PSMA1: variants seen among roughly 807,000 people sequenced by gnomAD.
The protein encoded by PSMA1 is proteasome 20S subunit alpha 1.
PSMA1 carries 3 observed loss-of-function variants against 38.4 expected under a neutral mutation model. The observed-to-expected ratio is 0.08, with a 90% CI of 0.04 to 0.20. PSMA1 has a LOEUF of 0.20. Ranked by LOEUF, PSMA1 falls within the 10% of genes least tolerant of loss-of-function variation. PSMA1 has a pLI of 1.00. For synonymous variants in PSMA1, 101 were observed against 107.1 expected (o/e 0.94, Z 0.35); for missense variants, 227 against 325.3 (o/e 0.70, Z 2.32).
At chr11:14,610,377 G>T (rs1852695789) in intron 2 of PSMA1, among the ~76,000 whole-genome samples, 2 of 151,964 alleles carry the variant, frequency 1.3e-5, no homozygotes, top group Non-Finnish European at 2.9e-5. Flanking sequence ...TTATGAACAG[G>T]TATCTCAATC....
In PSMA1 at chr11:14,513,862, A is replaced by G. The variant is rs748434888; in HGVS notation, c.369T>C (p.Tyr123=). 23 of 1,601,802 alleles carry G rather than the reference A, an allele frequency of 1.4e-5. No homozygotes were observed. In the South Asian group the frequency reaches 2.3e-4, roughly 16 times the overall value. The change falls in exon 6 of 10, where the codon TAT becomes TAC. Residue 123 remains tyrosine, a synonymous_variant. Transcript: ENST00000396394. ...GSKTQIPTQR[Y]GRRPYGVGLL... is the part of the protein sequence containing the mutation. ...GACCAACACCATATGGTCTCCGGCC[A>G]TATCGTTGTGTTGGTATCTGGGTCT...
chr11:14,634,138 T>G (rs1853080249), intron 1 of PSMA1, among the ~76,000 whole-genome samples: 1 of 152,164 alleles, frequency 6.6e-6, no homozygotes, highest in Non-Finnish European at 1.5e-5. Context: ...CCGGAGCTGT[T>G]CCTATTCGGC....
At chr11:14,574,652 G>GT (rs1274453823) in intron 2 of PSMA1, among the ~76,000 whole-genome samples, 1 of 152,094 alleles carries the variant, frequency 6.6e-6, no homozygotes, top group African/African-American at 2.4e-5. Context: ...AGATCTGATG[G>GT]TTTTATAAGG....
intron 1 of PSMA1, among the ~76,000 whole-genome samples, chr11:14,620,694 C>G (rs899577746): frequency 3.3e-5 from 5 of 152,198 alleles, no homozygotes; most frequent in African/African-American, 1.2e-4. Flanking sequence ...AGAGTGGCCA[C>G]TGGAAATTCT....
chr11:14,539,082 G>C (rs114834521), intron 2 of PSMA1, among the ~76,000 whole-genome samples: 1 of 152,138 alleles, frequency 6.6e-6, no homozygotes, highest in African/African-American at 2.4e-5. Flanking sequence ...GTTCTCAAAG[G>C]CTTATTTGTC....
rs143167256 is a variant in PSMA1 at position 14,624,802 on chromosome 11, T to G, written c.-165-13651A>C. 3.1e-3 allele frequency among the ~76,000 whole-genome samples: 476 copies of G among 152,150 alleles called. 2 individuals carry two copies. Among genetic ancestry groups the G allele is most frequent in the Admixed American group, 0.014 (211 of 15,288 alleles). On this transcript the variant is annotated intron_variant, in intron 1 of 10. Transcript: ENST00000418988. ...GTACTCCTTTGGCCCACTGTAGCTG[T>G]GAAAGGACATGTACAACGACCCTGA...
At chr11:14,598,574 C>CT (rs3053229) in intron 2 of PSMA1, among the ~76,000 whole-genome samples, 20 of 144,298 alleles carry the variant, frequency 1.4e-4, no homozygotes, top group Admixed American at 4.3e-4. Flanking sequence ...GCAACCCCTG[C>CT]TTTTTTTTTT....
upstream of PSMA1, among the ~76,000 whole-genome samples, chr11:14,521,491 C>CAA (rs60366805): frequency 1.1e-3 from 144 of 132,550 alleles, 1 homozygote; most frequent in Middle Eastern, 0.012. Context: ...GATTCTGTTT[C>CAA]AAAAAAAAAA....
At chr11:14,530,626 G>A (rs1393730819) in intron 2 of PSMA1, among the ~76,000 whole-genome samples, 1 of 152,140 alleles carries the variant, frequency 6.6e-6, no homozygotes, top group Non-Finnish European at 1.5e-5. Context: ...TTAGTGGGCT[G>A]GATGCAGTGG....
chr11:14,556,985 A>G (rs1211114695), intron 2 of PSMA1, among the ~76,000 whole-genome samples: 1 of 152,070 alleles, frequency 6.6e-6, no homozygotes, highest in African/African-American at 2.4e-5. Context: ...ACAGGTGCAT[A>G]CCCAGCTACT....
chr11:14,511,995 T>C (rs12421455), intron 7 of PSMA1, among the ~76,000 whole-genome samples: 11,131 of 152,268 alleles, frequency 0.073, 553 homozygotes, highest in East Asian at 0.17. Context: ...AAGAAAACAA[T>C]TCTGTTCACA....
upstream of PSMA1, among the ~76,000 whole-genome samples, chr11:14,524,817 C>T (rs1292849559): frequency 6.6e-6 from 1 of 152,182 alleles, no homozygotes; most frequent in East Asian, 1.9e-4. Flanking sequence ...CAAGGAACAT[C>T]TCACCGATTT....
chr11:14,542,590 C>A (rs1361755130), intron 2 of PSMA1, among the ~76,000 whole-genome samples: 1 of 152,170 alleles, frequency 6.6e-6, no homozygotes, highest in Non-Finnish European at 1.5e-5. Flanking sequence ...AGAAAAATAA[C>A]AGAAGCAGCT....
At chr11:14,583,105 G>A (rs955803449) in intron 2 of PSMA1, among the ~76,000 whole-genome samples, 11 of 152,196 alleles carry the variant, frequency 7.2e-5, no homozygotes, top group Admixed American at 5.2e-4. Flanking sequence ...ATTGGCCCCA[G>A]GAGCCAAAAG....
intron 1 of PSMA1, among the ~76,000 whole-genome samples, chr11:14,619,468 C>G (rs1282501362): frequency 1.3e-5 from 2 of 151,930 alleles, no homozygotes; most frequent in Non-Finnish European, 2.9e-5. Context: ...TAGATTTATA[C>G]CACATAAAGA....
chr11:14,539,567 C>T (rs1589987023), intron 2 of PSMA1, among the ~76,000 whole-genome samples: 2 of 151,844 alleles, frequency 1.3e-5, no homozygotes, highest in South Asian at 2.1e-4. Flanking sequence ...ACCCACGGGC[C>T]GGGTGCGGTG....
chr11:14,577,682 T>G (rs572087439), intron 2 of PSMA1, among the ~76,000 whole-genome samples: 3 of 152,192 alleles, frequency 2.0e-5, no homozygotes, highest in Non-Finnish European at 2.9e-5. Flanking sequence ...ATTACAACTG[T>G]TTTACAGATG....
At chr11:14,582,800 G>A (rs1185991244) in intron 2 of PSMA1, among the ~76,000 whole-genome samples, 1 of 151,742 alleles carries the variant, frequency 6.6e-6, no homozygotes, top group Non-Finnish European at 1.5e-5. Context: ...CAAAGTGTTA[G>A]GATTACAGGC....
intron 2 of PSMA1, among the ~76,000 whole-genome samples, chr11:14,547,376 G>A (rs181861175): frequency 1.1e-4 from 16 of 152,192 alleles, no homozygotes; most frequent in East Asian, 3.9e-4. Context: ...ATTTCTTTTC[G>A]TCATTAACAA....
Sources: gnomAD v4.1 joint callset for allele counts (sites outside exome capture counted in the v4.1 genomes callset) on GRCh38, gnomAD v4.1.1 for gene constraint, MANE v1.5 for transcripts, NCBI Gene and HGNC (gene_info 2026-07-23, HGNC 2026-07-21) for gene names.